Variants in SLCO3A1 observed in about 807,000 individuals in gnomAD.
The protein encoded by SLCO3A1 is PGE1 transporter.
In SLCO3A1, 27 loss-of-function variants were observed where a neutral mutation model predicts 63.1. That is an observed-to-expected ratio of 0.43 (90% CI 0.32 to 0.59). The LOEUF (loss-of-function observed/expected upper bound fraction) is 0.59, where lower values mean the gene tolerates loss of function less well. Ranked by LOEUF, SLCO3A1 falls within the 20% of genes least tolerant of loss-of-function variation. SLCO3A1 has a pLI of 0.09. For synonymous variants in SLCO3A1, 473 were observed against 409.9 expected (o/e 1.15, Z -1.86); for missense variants, 773 against 945.8 (o/e 0.82, Z 2.40).
At position 92,035,868 on chromosome 15, in the gene SLCO3A1, T is replaced by A. The variant is rs1051318009; in HGVS notation, c.647-59013T>A. Among the ~76,000 whole-genome samples, 8 of 151,724 alleles carry A rather than the reference T, an allele frequency of 5.3e-5. 1 individual carries two copies. In the South Asian group the frequency reaches 1.7e-3, roughly 32 times the overall value. ...CCTGGTGGTAGGGAAAAGACAGAAG[T>A]TTTGGGTGGTACCACAATTTGGGTC... On this transcript the variant is annotated intron_variant, in intron 2 of 9. Transcript: ENST00000318445.
At chr15:92,006,764 T>A (rs1354421915) in intron 2 of SLCO3A1, among the ~76,000 whole-genome samples, 1 of 152,210 alleles carries the variant, frequency 6.6e-6, no homozygotes, top group African/African-American at 2.4e-5. Context: ...AGGATAGATG[T>A]GTCTAGTGCA....
At chr15:91,996,610 A>G (rs1290903615) in intron 2 of SLCO3A1, among the ~76,000 whole-genome samples, 1 of 152,178 alleles carries the variant, frequency 6.6e-6, no homozygotes, top group Non-Finnish European at 1.5e-5. Flanking sequence ...TAAAAATTAT[A>G]GTAATTAATA....
chr15:91,854,340 C>T lies in SLCO3A1; in HGVS notation c.180+252C>T. 1.2e-6 allele frequency: 1 copy of T among 829,442 alleles called. No homozygotes were observed. Among genetic ancestry groups the T allele is most frequent in the Non-Finnish European group, 1.5e-6 (1 of 687,706 alleles). The allele number at this position is 829,442 out of a possible 1,614,324, so 51.4% of individuals were successfully genotyped here. ...CGCGTCCGGCTGGGGCAGGGGGTGC[C>T]GGGGGAGGAGAGGCGGCGGGCAGGT... On this transcript the variant is annotated intron_variant, in intron 1 of 9. Coordinates refer to ENST00000318445, the MANE Select transcript of SLCO3A1 (RefSeq NM_013272.4). The surrounding 1 kb of genome is among the most constrained non-coding windows in gnomAD (Gnocchi z 6.4).
downstream of SLCO3A1, chr15:92,165,976 GTC>G (rs545770638): frequency 2.9e-5 from 23 of 789,498 alleles, no homozygotes; most frequent in Non-Finnish European, 3.4e-5. Context: ...TGGATGAAAA[GTC>G]TCTCTCTGCT....
At chr15:92,021,901 A>G (rs2046514098) in intron 2 of SLCO3A1, among the ~76,000 whole-genome samples, 1 of 152,166 alleles carries the variant, frequency 6.6e-6, no homozygotes, top group South Asian at 2.1e-4. Flanking sequence ...ACCCAGCCTA[A>G]TACAGTGGCA....
At chr15:92,040,053 T>TG (rs1315230096) in intron 2 of SLCO3A1, among the ~76,000 whole-genome samples, 29 of 152,064 alleles carry the variant, frequency 1.9e-4, no homozygotes, top group Admixed American at 1.0e-3. Context: ...GTTGGAGGCT[T>TG]GGGGGCAAGG....
chr15:92,060,272 T>G lies in SLCO3A1; in HGVS notation c.647-34609T>G, dbSNP rs574806887. On this transcript the variant is annotated intron_variant, in intron 2 of 9. Coordinates refer to ENST00000318445, the MANE Select transcript of SLCO3A1 (RefSeq NM_013272.4). The stretch of plus-strand genomic sequence containing the variant: ...AATTTTCTTCACAAATAAATTAACC[T>G]TAGCCAGCTGGGCTCGGTGGTTCAT... 5.9e-5 allele frequency among the ~76,000 whole-genome samples: 9 copies of G among 152,150 alleles called. No homozygotes were observed. The South Asian group carries it at 1.9e-3, about 32-fold the overall frequency.
At chr15:92,151,181 C>T (rs1202729702) in intron 9 of SLCO3A1, 167 bp downstream of exon 9, 10 of 578,370 alleles carry the variant, frequency 1.7e-5, no homozygotes, top group Non-Finnish European at 2.7e-5. Context: ...CAGAGATAAA[C>T]TCAGACACTG....
At chr15:91,953,245 G>A (rs192381550) in intron 2 of SLCO3A1, among the ~76,000 whole-genome samples, 47 of 152,268 alleles carry the variant, frequency 3.1e-4, no homozygotes, top group African/African-American at 6.5e-4. Context: ...TCGCTCACTC[G>A]TTTGTTCTAA....
chr15:91,880,131 GTCCA>G lies in SLCO3A1; in HGVS notation c.180+26082_180+26085del, dbSNP rs1202665562. On this transcript the variant is annotated intron_variant, in intron 1 of 9. Coordinates refer to ENST00000318445, the MANE Select transcript of SLCO3A1 (RefSeq NM_013272.4). ...CGTCCGTCCGTCCGTCCGTCCGTCCGTCCATCCATCCATCCATCCATCCATCCAT... is the reference window on the plus strand; with the variant it reads ...CGTCCGTCCGTCCGTCCGTCCGTCCGTCCATCCATCCATCCATCCATCCAT... Among the ~76,000 whole-genome samples, 1,196 of 130,358 alleles carry G rather than the reference GTCCA, an allele frequency of 9.2e-3. 9 individuals are homozygous for G. Among genetic ancestry groups the G allele is most frequent in the Admixed American group, 0.012 (166 of 13,422 alleles). 85.5% of individuals were successfully genotyped at this position (130,358 alleles called of 152,430 possible).
chr15:92,160,846 T>G (rs1199269286), intron 9 of SLCO3A1, among the ~76,000 whole-genome samples: 1 of 152,144 alleles, frequency 6.6e-6, no homozygotes, highest in Admixed American at 6.5e-5. Flanking sequence ...CCAACTGCCT[T>G]TGGAGGCCCC....
rs1898508845 is a variant in SLCO3A1, at chr15:91,912,198, G to T, written c.181-3795G>T. On this transcript the variant is annotated intron_variant, in intron 1 of 9. Transcript: ENST00000318445. This position sits in a 1 kb window ranked among gnomAD's most constrained non-coding sequence, Gnocchi z 5.0. Reference sequence around the variant, plus strand: ...TTCCACATGCTCTTCCTCAGGCTGGGTTGTTCACTGCCACATAAAGGCTAC... The same window carrying T: ...TTCCACATGCTCTTCCTCAGGCTGGTTTGTTCACTGCCACATAAAGGCTAC... 6.6e-6 allele frequency among the ~76,000 whole-genome samples: 1 copy of T among 152,124 alleles called. No homozygotes were observed. The highest frequency in any genetic ancestry group is 1.5e-5 in the Non-Finnish European group (1 of 68,024).
At chr15:92,097,194 G>A (rs150183833) in intron 3 of SLCO3A1, among the ~76,000 whole-genome samples, 1 of 152,314 alleles carries the variant, frequency 6.6e-6, no homozygotes, top group Admixed American at 6.5e-5. Flanking sequence ...AAGAGCCTCA[G>A]ACATCATTCC....
At position 91,862,868 on chromosome 15, in the gene SLCO3A1, G is replaced by T. The variant is rs1897080769; in HGVS notation, c.180+8780G>T. Among the ~76,000 whole-genome samples the T allele has an allele frequency of 6.6e-6, 1 of 152,190 alleles. No homozygotes were observed. Among genetic ancestry groups the T allele is most frequent in the African/African-American group, 2.4e-5 (1 of 41,436 alleles). The stretch of plus-strand genomic sequence containing the variant: ...AAAGACTACTGTAAAATATTAATGG[G>T]AATGGCTATTGTCTTTCACCCCCTT... On this transcript the variant is annotated intron_variant, in intron 1 of 9. Transcript: ENST00000318445. This position sits in a 1 kb window ranked among gnomAD's most constrained non-coding sequence, Gnocchi z 4.0.
chr15:92,128,714 T>C (rs760521532), intron 7 of SLCO3A1, among the ~76,000 whole-genome samples: 4 of 152,134 alleles, frequency 2.6e-5, no homozygotes, highest in Non-Finnish European at 5.9e-5. Context: ...AAGTAAAAAT[T>C]CAAAGGAAGC....
intron 2 of SLCO3A1, among the ~76,000 whole-genome samples, chr15:92,047,629 TA>T (rs368402592): frequency 0.048 from 1,695 of 35,374 alleles, 1 homozygote; most frequent in Admixed American, 0.1. Context: ...AATATATATA[TA>T]AATATATAAA....
chr15:91,907,520 T>C (rs1898349070), intron 1 of SLCO3A1, among the ~76,000 whole-genome samples: 1 of 150,510 alleles, frequency 6.6e-6, no homozygotes, highest in Non-Finnish European at 1.5e-5. Context: ...GAGGCCTTTC[T>C]TTTTTTTCTA....
At chr15:92,078,966 G>C (rs1361214064) in intron 2 of SLCO3A1, among the ~76,000 whole-genome samples, 1 of 152,124 alleles carries the variant, frequency 6.6e-6, no homozygotes, top group South Asian at 2.1e-4. Flanking sequence ...TCGAGCTTGC[G>C]CCCTGTGAGA....
chr15:92,141,723 A>T (rs1275451318), intron 7 of SLCO3A1, among the ~76,000 whole-genome samples: 2 of 152,202 alleles, frequency 1.3e-5, no homozygotes, highest in Non-Finnish European at 2.9e-5. Context: ...CCTCATCTGC[A>T]GTTCTTCCTA....
Sources: allele counts gnomAD v4.1 joint callset (sites outside exome capture counted in the v4.1 genomes callset), GRCh38; gene constraint gnomAD v4.1.1; non-coding constraint Gnocchi (gnomAD v3.1); transcripts MANE v1.5; gene names NCBI Gene and HGNC (gene_info 2026-07-23, HGNC 2026-07-21).